Variants in PCDHA3 observed in about 807,000 individuals in gnomAD.
PCDHA3 encodes the protein protocadherin alpha-3.
Under a neutral mutation model 62.2 loss-of-function variants are expected in PCDHA3, and 41 were observed. The ratio of observed to expected loss-of-function variants is 0.66; its 90% CI spans 0.51 to 0.86. The LOEUF is 0.86. Ranked by LOEUF, PCDHA3 falls within the 40% of genes least tolerant of loss-of-function variation. PCDHA3 has a pLI of 0.00. For missense variants in PCDHA3, 1,304 were observed against 1,241.2 expected (o/e 1.05, Z -0.76); for synonymous variants, 640 against 555.4 (o/e 1.15, Z -2.14).
chr5:140,874,124 T>G (rs926046559), intron 1 of PCDHA3, among the ~76,000 whole-genome samples: 6 of 152,266 alleles, frequency 3.9e-5, no homozygotes, highest in Admixed American at 3.3e-4. Context: ...TTATAGTTTA[T>G]TTAAGTTATC....
chr5:140,970,647 T>C lies in PCDHA3; in HGVS notation c.2395-8302T>C, dbSNP rs529255517. Among the ~76,000 whole-genome samples, 9 of 152,352 alleles carry C rather than the reference T, an allele frequency of 5.9e-5. No homozygotes were observed. The South Asian group carries it at 1.9e-3, about 32-fold the overall frequency. On this transcript the variant is annotated intron_variant, in intron 1 of 3. Coordinates refer to ENST00000522353, the MANE Select transcript of PCDHA3 (RefSeq NM_018906.3). ...CAAAATTTTGTACCATAAATAGTGA[T>C]GAATTGTTATCTTTCCAAATAACTA...
rs182447320 is a variant in PCDHA3, at chr5:140,868,739, C to A, written c.2394+65148C>A. 921 of 204,056 alleles carry A rather than the reference C, an allele frequency of 4.5e-3. 4 individuals carry two copies. The highest frequency in any genetic ancestry group is 0.012 in the Middle Eastern group (6 of 494). The allele number at this position is 204,056 out of a possible 1,614,324, so 12.6% of individuals were successfully genotyped here. ...TAAATTTGATGTTAATCGAGAAATACAATGCCATTTCCATATATATTTAGT... is the reference window on the plus strand; with the variant it reads ...TAAATTTGATGTTAATCGAGAAATAAAATGCCATTTCCATATATATTTAGT... On this transcript the variant is annotated intron_variant, in intron 1 of 3. Transcript: ENST00000522353.
At chr5:140,850,803 A>T in intron 1 of PCDHA3, 1 of 1,598,380 alleles carries the variant, frequency 6.3e-7, no homozygotes, top group East Asian at 2.2e-5. Flanking sequence ...GACCGACCTC[A>T]TGGCCTTCAG....
At chr5:140,806,992 T>A in intron 1 of PCDHA3, 1 of 670,820 alleles carries the variant, frequency 1.5e-6, no homozygotes, top group Admixed American at 2.9e-5. Flanking sequence ...AGCCACATGA[T>A]GTCGCTCTTT....
intron 1 of PCDHA3, among the ~76,000 whole-genome samples, chr5:140,911,205 A>G (rs1554194650): frequency 6.6e-6 from 1 of 152,162 alleles, no homozygotes; most frequent in African/African-American, 2.4e-5. Flanking sequence ...TGTTGCCACT[A>G]CTGGGGATGA....
chr5:140,836,738 T>C, intron 1 of PCDHA3: 1 of 1,603,644 alleles, frequency 6.2e-7, no homozygotes, highest in Non-Finnish European at 8.5e-7. Flanking sequence ...CTACAGACAA[T>C]GTGAGTCATA....
intron 1 of PCDHA3, chr5:140,847,447 T>C (rs1013186891): frequency 6.7e-6 from 1 of 149,786 alleles, no homozygotes; most frequent in Non-Finnish European, 1.5e-5. Context: ...CACTAAAATC[T>C]AGATTTAATT....
chr5:140,868,978 C>T, intron 1 of PCDHA3: 2 of 1,484,292 alleles, frequency 1.3e-6, no homozygotes, highest in Non-Finnish European at 1.8e-6. Context: ...CTCCATCATA[C>T]CGGATGCCAC....
At chr5:140,824,784 T>G (rs1418969711) in intron 1 of PCDHA3, 1 of 151,890 alleles carries the variant, frequency 6.6e-6, no homozygotes, top group East Asian at 1.9e-4. Context: ...AACACCACCC[T>G]TCCAATTTTG....
At chr5:140,888,593 A>C (rs1165427237) in intron 1 of PCDHA3, among the ~76,000 whole-genome samples, 1 of 152,256 alleles carries the variant, frequency 6.6e-6, no homozygotes, top group Admixed American at 6.5e-5. Context: ...GTACACATTC[A>C]GAGCAGCTTT....
intron 1 of PCDHA3, chr5:140,869,050 A>T: frequency 1.3e-6 from 2 of 1,533,074 alleles, no homozygotes; most frequent in South Asian, 2.6e-5. Context: ...GAAACTGAAG[A>T]ATCTGGTACT....
chr5:141,000,415 ATATATATTTTTTT>A (rs1176788591), intron 3 of PCDHA3, among the ~76,000 whole-genome samples: 1 of 87,398 alleles, frequency 1.1e-5, no homozygotes, highest in Non-Finnish European at 2.1e-5. Flanking sequence ...ATATATATAT[ATATATATTTTTTT>A]TTTTTTTTTT....
intron 1 of PCDHA3, chr5:140,929,159 A>C (rs781818133): frequency 1.2e-6 from 2 of 1,613,968 alleles, no homozygotes; most frequent in African/African-American, 1.3e-5. Context: ...ACTTATCTCT[A>C]TCGGGCCTCT....
intron 1 of PCDHA3, chr5:140,967,878 A>G: frequency 6.2e-7 from 1 of 1,614,152 alleles, no homozygotes; most frequent in Non-Finnish European, 8.5e-7. Flanking sequence ...ACGGACCTGT[A>G]TAGCCCAGTG....
intron 2 of PCDHA3, among the ~76,000 whole-genome samples, chr5:140,979,895 T>G (rs1460432451): frequency 6.6e-6 from 1 of 152,222 alleles, no homozygotes; most frequent in Non-Finnish European, 1.5e-5. Context: ...TTCACCAAAC[T>G]TAGATCAGTT....
intron 1 of PCDHA3, chr5:140,830,542 C>T: frequency 2.5e-6 from 3 of 1,194,226 alleles, no homozygotes; most frequent in Non-Finnish European, 3.4e-6. Flanking sequence ...TAATTGTTTT[C>T]CTCATATTTG....
intron 1 of PCDHA3, chr5:140,875,542 T>G: frequency 6.2e-7 from 1 of 1,614,134 alleles, no homozygotes. Context: ...CCTTGCAGCC[T>G]GGGAGGTGGG....
In PCDHA3 at chr5:140,828,948, C is replaced by A. The variant is rs2150161275; in HGVS notation, c.2394+25357C>A. 4.6e-5 allele frequency: 74 copies of A among 1,614,030 alleles called. No individual in the cohort carries two copies. The highest frequency in any genetic ancestry group is 1.5e-4 in the Admixed American group (9 of 59,998). On this transcript the variant is annotated intron_variant, in intron 1 of 3. Coordinates refer to ENST00000522353, the MANE Select transcript of PCDHA3 (RefSeq NM_018906.3). ...TCATATTCTTTTAATAGCCTTGTTG[C>A]AGCCATGGTTATTGACCACTTTAGC...
intron 1 of PCDHA3, among the ~76,000 whole-genome samples, chr5:140,900,786 A>C (rs888308882): frequency 2.0e-5 from 3 of 152,152 alleles, no homozygotes; most frequent in African/African-American, 7.2e-5. Flanking sequence ...GAAACTCCAA[A>C]CTGTTCTCCA....
Sources: gnomAD v4.1 joint callset for allele counts (sites outside exome capture counted in the v4.1 genomes callset) on GRCh38, gnomAD v4.1.1 for gene constraint, MANE v1.5 for transcripts, NCBI Gene and HGNC (gene_info 2026-07-23, HGNC 2026-07-21) for gene names.